Variants in BCAS3 observed in about 807,000 individuals in gnomAD.
The protein encoded by BCAS3 is BCAS3 microtubule associated cell migration factor.
Under a neutral mutation model 116.1 loss-of-function variants are expected in BCAS3, and 53 were observed. The observed-to-expected ratio is 0.46, with a 90% CI of 0.37 to 0.57. BCAS3 has a LOEUF of 0.57. BCAS3 is among the 20% of genes least tolerant of loss of function. BCAS3 has a pLI of 0.00. For missense variants in BCAS3, 917 were observed against 1,165.4 expected (o/e 0.79, Z 3.10); for synonymous variants, 391 against 408.2 (o/e 0.96, Z 0.51).
chr17:60,905,064 G>A (rs1007300074), intron 11 of BCAS3, among the ~76,000 whole-genome samples: 5 of 152,128 alleles, frequency 3.3e-5, no homozygotes, highest in Non-Finnish European at 7.4e-5. Flanking sequence ...GAACATAGAT[G>A]TGAAAAATCC....
At chr17:60,794,498 T>G (rs1023093845) in intron 6 of BCAS3, among the ~76,000 whole-genome samples, 1 of 152,160 alleles carries the variant, frequency 6.6e-6, no homozygotes, top group African/African-American at 2.4e-5. Flanking sequence ...TCTAGAAGGG[T>G]TTTTCCAATG....
At chr17:61,202,203 T>C (rs1394552404) in intron 22 of BCAS3, among the ~76,000 whole-genome samples, 1 of 148,150 alleles carries the variant, frequency 6.7e-6, no homozygotes, top group Non-Finnish European at 1.5e-5. Context: ...AGTGGTGTGA[T>C]CTCAGCTCAC....
intron 22 of BCAS3, among the ~76,000 whole-genome samples, chr17:61,295,967 A>G (rs940837609): frequency 6.6e-6 from 1 of 152,016 alleles, no homozygotes; most frequent in Non-Finnish European, 1.5e-5. Context: ...AAAAAAAAAA[A>G]AAAAGAAAGA....
rs534309358 is a variant in BCAS3 at position 60,933,409 on chromosome 17, G to A, written c.1087+8909G>A. On this transcript the variant is annotated intron_variant, in intron 13 of 23. Coordinates refer to ENST00000407086, the MANE Select transcript of BCAS3 (RefSeq NM_017679.5). ...CAGCTGAGCAACTGAGAAATGTAAA[G>A]TACAACACATCTACATTTTAAATAA... Among the ~76,000 whole-genome samples the A allele has an allele frequency of 2.6e-5, 4 of 152,266 alleles. No individual in the cohort carries two copies. The South Asian group carries it at 8.3e-4, about 32-fold the overall frequency.
chr17:61,090,988 A>G (rs193072432), intron 22 of BCAS3, among the ~76,000 whole-genome samples: 297 of 152,342 alleles, frequency 1.9e-3, no homozygotes, highest in Non-Finnish European at 2.8e-3. Context: ...GGATGTTAGA[A>G]GACCAAAGTC....
chr17:60,747,236 T>A lies in BCAS3; in HGVS notation c.360T>A (p.His120Gln). ...GEAQELFSVR[H>Q]GPIRAARILP... Reference sequence around the variant, plus strand: ...CACAAGAGCTCTTCTCTGTTCGACATGGCCCAATTCGAGCGGCTAGAATCT... The same window carrying A: ...CACAAGAGCTCTTCTCTGTTCGACAAGGCCCAATTCGAGCGGCTAGAATCT... Residue 120 changes from histidine to glutamine, a missense_variant, in exon 6 of 24, where the codon CAT becomes CAA. Physicochemically the swap from His to Gln is conservative, Grantham distance 24. Transcript: ENST00000407086. 1 of 1,613,336 alleles carries A rather than the reference T, an allele frequency of 6.2e-7. No individual in the cohort carries two copies. The highest frequency in any genetic ancestry group is 8.5e-7 in the Non-Finnish European group (1 of 1,179,348).
chr17:60,955,430 A>G lies in BCAS3; in HGVS notation c.1221+8078A>G, dbSNP rs536102761. Reference sequence around the variant, plus strand: ...TGAGACAGAGTCTTGCTCTGTCTCCAGGCTGCAGTGCAGTGGCGCTATCTC... The same window carrying G: ...TGAGACAGAGTCTTGCTCTGTCTCCGGGCTGCAGTGCAGTGGCGCTATCTC... On this transcript the variant is annotated intron_variant, in intron 14 of 23. Coordinates refer to ENST00000407086, the MANE Select transcript of BCAS3 (RefSeq NM_017679.5). Among the ~76,000 whole-genome samples, 20 of 136,628 alleles carry G rather than the reference A, an allele frequency of 1.5e-4. No individual in the cohort carries two copies. In the East Asian group the frequency reaches 4.1e-3, roughly 28 times the overall value. 89.6% of individuals were successfully genotyped at this position (136,628 alleles called of 152,430 possible).
chr17:60,724,419 T>TAA (rs1160530804), intron 5 of BCAS3, among the ~76,000 whole-genome samples: 1 of 72,846 alleles, frequency 1.4e-5, no homozygotes. Flanking sequence ...TGAGACTGTC[T>TAA]CAAAAAAAAA....
chr17:60,840,257 A>G (rs1469261147), intron 7 of BCAS3, among the ~76,000 whole-genome samples: 28 of 152,166 alleles, frequency 1.8e-4, no homozygotes, highest in Admixed American at 1.8e-3. Context: ...GTTTTTCATC[A>G]AGCATAAAAG....
intron 16 of BCAS3, among the ~76,000 whole-genome samples, chr17:61,022,985 T>C (rs573459315): frequency 8.2e-4 from 125 of 152,348 alleles, no homozygotes; most frequent in Non-Finnish European, 1.4e-3. Context: ...TTGGGTATCA[T>C]GTGTATCTCA....
intron 22 of BCAS3, among the ~76,000 whole-genome samples, chr17:61,159,668 G>A (rs1392671406): frequency 6.6e-6 from 1 of 152,156 alleles, no homozygotes; most frequent in East Asian, 1.9e-4. Flanking sequence ...TCAGAGGCCT[G>A]GAGAGGCAGA....
chr17:61,309,471 A>G lies in BCAS3; in HGVS notation c.2426-58856A>G, dbSNP rs369964715. Among the ~76,000 whole-genome samples, 27 of 152,288 alleles carry G rather than the reference A, an allele frequency of 1.8e-4. No homozygotes were observed. The East Asian group carries it at 4.1e-3, about 23-fold the overall frequency. ...GACAGGGGCATAACTGTGGACCTAA[A>G]GTGGACATCAGAGGGGTCCCGGCAA... is the stretch of plus-strand genomic sequence containing the variant. On this transcript the variant is annotated intron_variant, in intron 22 of 23. Coordinates refer to ENST00000407086, the MANE Select transcript of BCAS3 (RefSeq NM_017679.5). This position sits in a 1 kb window ranked among gnomAD's most constrained non-coding sequence, Gnocchi z 4.6.
At chr17:61,147,726 C>T (rs554664398) in intron 22 of BCAS3, among the ~76,000 whole-genome samples, 16 of 152,214 alleles carry the variant, frequency 1.1e-4, no homozygotes, top group African/African-American at 3.9e-4. Context: ...GTGGCTCACG[C>T]CTGTAATCCC....
intron 22 of BCAS3, among the ~76,000 whole-genome samples, chr17:61,225,283 C>T (rs556126397): frequency 1.6e-4 from 25 of 152,158 alleles, no homozygotes; most frequent in African/African-American, 6.0e-4. Flanking sequence ...AATAATCACC[C>T]CTTTTCACAT....
chr17:61,214,650 CA>C lies in BCAS3; in HGVS notation c.2425+130087del, dbSNP rs2081672229. Among the ~76,000 whole-genome samples, 1 of 151,908 alleles carries C rather than the reference CA, an allele frequency of 6.6e-6. No homozygotes were observed. The highest frequency in any genetic ancestry group is 1.9e-4 in the East Asian group (1 of 5,158). ...AGCTTGCAGTGAGCCGAGATCGCGC[CA>C]CTGCACTCCAGCCTGGGCGACAGAG... On this transcript the variant is annotated intron_variant, in intron 22 of 23. Coordinates refer to ENST00000407086, the MANE Select transcript of BCAS3 (RefSeq NM_017679.5). The surrounding 1 kb of genome is among the most constrained non-coding windows in gnomAD (Gnocchi z 4.4).
intron 13 of BCAS3, 98 bp from the exon 14 acceptor site, chr17:60,947,121 C>A: frequency 1.7e-6 from 2 of 1,194,202 alleles, no homozygotes; most frequent in East Asian, 2.4e-5. Context: ...AATTTTTTTC[C>A]CATTGGTAAT....
rs1051729635 is a variant in BCAS3, at chr17:61,347,232, C to G, written c.2426-21095C>G. ...GAGTAGCTGGGATTACAGGCATGCA[C>G]CACCACACCCGGCTGATTTTTATAT... On this transcript the variant is annotated intron_variant, in intron 22 of 23. Transcript: ENST00000407086. This position sits in a 1 kb window ranked among gnomAD's most constrained non-coding sequence, Gnocchi z 4.3. Among the ~76,000 whole-genome samples the G allele has an allele frequency of 6.6e-6, 1 of 152,126 alleles. No individual in the cohort carries two copies. The highest frequency in any genetic ancestry group is 1.5e-5 in the Non-Finnish European group (1 of 68,032).
chr17:61,330,254 C>A (rs543987899), intron 22 of BCAS3, among the ~76,000 whole-genome samples: 1 of 149,414 alleles, frequency 6.7e-6, no homozygotes, highest in Non-Finnish European at 1.5e-5. Flanking sequence ...TCCCTCCCTC[C>A]CTTCCTTTCT....
At chr17:60,877,808 A>G (rs879096149) in intron 9 of BCAS3, among the ~76,000 whole-genome samples, 2 of 152,164 alleles carry the variant, frequency 1.3e-5, no homozygotes, top group Admixed American at 1.3e-4. Context: ...TCTCAGAGTA[A>G]TGTTTGCATA....
Sources: allele counts gnomAD v4.1 joint callset (sites outside exome capture counted in the v4.1 genomes callset), GRCh38; gene constraint gnomAD v4.1.1; non-coding constraint Gnocchi (gnomAD v3.1); transcripts MANE v1.5; gene names NCBI Gene and HGNC (gene_info 2026-07-23, HGNC 2026-07-21).